The following ADCY9 variants were observed in gnomAD, a reference collection of about 807,000 sequenced individuals.
ADCY9 encodes adenylate cyclase type 9.
ADCY9 carries 50 observed loss-of-function variants against 101.5 expected under a neutral mutation model. The ratio of observed to expected loss-of-function variants is 0.49; its 90% CI spans 0.39 to 0.62. ADCY9 has a LOEUF of 0.62. Among genes scored for constraint, ADCY9 ranks in the 20% least tolerant of loss-of-function variants. The pLI, the probability that ADCY9 is intolerant of heterozygous loss-of-function variation, is 0.00. For missense variants in ADCY9, 1,662 were observed against 1,800.4 expected (o/e 0.92, Z 1.39); for synonymous variants, 905 against 769.3 (o/e 1.18, Z -2.92).
intron 2 of ADCY9, among the ~76,000 whole-genome samples, chr16:4,014,863 A>G (rs1316393362): frequency 6.6e-6 from 1 of 150,732 alleles, no homozygotes; most frequent in Non-Finnish European, 1.5e-5. Context: ...TCTCCCAGTA[A>G]TGGCTAAACA....
chr16:4,025,369 T>C (rs1172950028), intron 2 of ADCY9, among the ~76,000 whole-genome samples: 1 of 72,954 alleles, frequency 1.4e-5, no homozygotes, highest in East Asian at 3.0e-4. Flanking sequence ...AGCAAGACTC[T>C]GTCTCCAAAA....
chr16:4,053,210 C>G (rs2056713032), intron 2 of ADCY9, among the ~76,000 whole-genome samples: 1 of 152,200 alleles, frequency 6.6e-6, no homozygotes, highest in Admixed American at 6.5e-5. Context: ...ATAACTCTAC[C>G]ATTTCAAGTG....
At chr16:3,979,681 G>C (rs1389610444) in intron 7 of ADCY9, among the ~76,000 whole-genome samples, 6 of 152,250 alleles carry the variant, frequency 3.9e-5, no homozygotes, top group African/African-American at 1.2e-4. Flanking sequence ...CTGGAATTCT[G>C]TGGAGCCCGT....
At chr16:4,102,700 C>T (rs146799241) in intron 2 of ADCY9, among the ~76,000 whole-genome samples, 164 of 152,136 alleles carry the variant, frequency 1.1e-3, no homozygotes, top group Non-Finnish European at 1.9e-3. Context: ...ACTGGGATTA[C>T]AGGCGTGACT....
chr16:4,062,942 A>T (rs925680879), intron 2 of ADCY9, among the ~76,000 whole-genome samples: 6 of 152,204 alleles, frequency 3.9e-5, no homozygotes, highest in Admixed American at 3.9e-4. Flanking sequence ...CATAATAGTT[A>T]AACAGAAAAT....
chr16:4,108,599 C>G (rs2057093456), intron 2 of ADCY9, among the ~76,000 whole-genome samples: 1 of 151,832 alleles, frequency 6.6e-6, no homozygotes, highest in Admixed American at 6.6e-5. Flanking sequence ...GTCTCAAACT[C>G]CTGACCTCCT....
rs1299897624 is a variant in ADCY9, at chr16:3,966,499, G to A, written c.3338C>T (p.Thr1113Met). 11 of 1,614,030 alleles carry A rather than the reference G, an allele frequency of 6.8e-6. No homozygotes were observed. The highest frequency in any genetic ancestry group is 3.3e-5 in the Admixed American group (2 of 59,998). ...SIEKIKTIGA[T>M]YMAASGLNTA... is the part of the protein sequence containing the mutation. The stretch of plus-strand genomic sequence containing the variant: ...GTTCAGCCCTGACGCCGCCATGTAC[G>A]TGGCTCCGATGGTCTTGATCTTCTC... The change falls in exon 11 of 11, where the codon ACG (threonine) becomes ATG (methionine). Residue 1113 changes from threonine to methionine, a missense_variant. By Grantham distance (81) the Thr-to-Met change is moderately conservative. This residue lies in a region of ADCY9 where 220 missense variants were observed against 312.9 expected (regional missense o/e 0.70). Transcript: ENST00000294016.
chr16:3,955,988 A>G (rs1321054184), intron 5 of ADCY9, among the ~76,000 whole-genome samples: 1 of 152,146 alleles, frequency 6.6e-6, no homozygotes, highest in Admixed American at 6.5e-5. Context: ...GCAGCCTCCC[A>G]AGTAGCTGGG....
chr16:3,997,804 C>T (rs996812774), intron 3 of ADCY9, among the ~76,000 whole-genome samples: 4 of 152,130 alleles, frequency 2.6e-5, no homozygotes, highest in Admixed American at 6.5e-5. Flanking sequence ...TTTGAAAATG[C>T]GGATTTTGGC....
rs1438743877 is a variant in ADCY9 at position 3,983,429 on chromosome 16, G to C, written c.2322C>G (p.Asn774Lys). The change falls in exon 7 of 11, where the codon AAC (asparagine) becomes AAG (lysine). Residue 774 changes from asparagine (N) to lysine (K), a missense_variant. This residue lies in a region of ADCY9 where 624 missense variants were observed against 639.1 expected (regional missense o/e 0.98). Coordinates refer to ENST00000294016, the MANE Select transcript of ADCY9 (RefSeq NM_001116.4). ...GACTAGCAAACGTCTTCACGGGGGAGTTCTTTATGACCTGTGTGGAGCAGG... is the reference window on the plus strand; with the variant it reads ...GACTAGCAAACGTCTTCACGGGGGACTTCTTTATGACCTGTGTGGAGCAGG... ...RTSYQEEVIK[N>K]SPVKTFASPT... 6 of 1,604,208 alleles carry C rather than the reference G, an allele frequency of 3.7e-6. No individual in the cohort carries two copies. The African/African-American group carries it at 5.4e-5, about 14-fold the overall frequency.
rs1415087301 is a variant in ADCY9 at position 3,966,803 on chromosome 16, C to T, written c.3034G>A (p.Val1012Met). The stretch of plus-strand genomic sequence containing the variant: ...TTGGTGCGGTGAAGATCCGCTTCCA[C>T]GTCTCCGTGGTAGTGGAGGCGGTAG... ...VSYRLHYHGD[V>M]EADLHRTKIQ... is the part of the protein sequence containing the mutation. The change falls in exon 11 of 11, where the codon GTG becomes ATG. Residue 1012 changes from valine (V) to methionine (M), a missense_variant. Physicochemically the swap from Val to Met is conservative, Grantham distance 21 (BLOSUM62 1). Coordinates refer to ENST00000294016, the MANE Select transcript of ADCY9 (RefSeq NM_001116.4). 2 of 1,614,230 alleles carry T rather than the reference C, an allele frequency of 1.2e-6. No homozygotes were observed. Among genetic ancestry groups the T allele is most frequent in the Admixed American group, 1.7e-5 (1 of 60,024 alleles).
chr16:4,000,322 C>T (rs963163274), intron 3 of ADCY9, among the ~76,000 whole-genome samples: 3 of 152,054 alleles, frequency 2.0e-5, no homozygotes, highest in Non-Finnish European at 4.4e-5. Context: ...GTCGGAACCG[C>T]GTAAAGAGGC....
intron 2 of ADCY9, among the ~76,000 whole-genome samples, chr16:4,078,886 C>T (rs1373346025): frequency 1.3e-5 from 2 of 152,110 alleles, no homozygotes; most frequent in African/African-American, 4.8e-5. Context: ...TGAAGAAATA[C>T]AAAAGGGCAA....
At chr16:4,070,667 G>GT (rs2056828472) in intron 2 of ADCY9, among the ~76,000 whole-genome samples, 1 of 151,830 alleles carries the variant, frequency 6.6e-6, no homozygotes, top group Admixed American at 6.6e-5. Flanking sequence ...AGAAAAAAGC[G>GT]AAGTGCAGTG....
intron 2 of ADCY9, among the ~76,000 whole-genome samples, chr16:4,017,441 C>G (rs2056445661): frequency 6.7e-6 from 1 of 149,456 alleles, no homozygotes; most frequent in South Asian, 2.1e-4. Flanking sequence ...GTCAGGAGTT[C>G]AAGACCAGCC....
At chr16:4,102,644 C>T (rs1377489832) in intron 2 of ADCY9, among the ~76,000 whole-genome samples, 1 of 152,088 alleles carries the variant, frequency 6.6e-6, no homozygotes, top group Non-Finnish European at 1.5e-5. Context: ...AGGCTGGTCT[C>T]GAACTCCCGA....
chr16:4,016,773 T>C (rs937738467), intron 2 of ADCY9, among the ~76,000 whole-genome samples: 1 of 152,066 alleles, frequency 6.6e-6, no homozygotes, highest in Non-Finnish European at 1.5e-5. Flanking sequence ...ATGTCTGGCA[T>C]AGGGAGATCT....
At chr16:3,994,361 G>C (rs2056270853) in intron 3 of ADCY9, among the ~76,000 whole-genome samples, 1 of 152,170 alleles carries the variant, frequency 6.6e-6, no homozygotes, top group Admixed American at 6.5e-5. Context: ...TTCTCTTTGG[G>C]ATGATAAAAA....
chr16:3,996,577 C>T (rs894949452), intron 3 of ADCY9, among the ~76,000 whole-genome samples: 6 of 152,158 alleles, frequency 3.9e-5, no homozygotes, highest in East Asian at 1.9e-4. Flanking sequence ...ACCGGTAGAC[C>T]AGGAAAGGAA....
Sources: gnomAD v4.1 joint callset for allele counts (sites outside exome capture counted in the v4.1 genomes callset) on GRCh38, gnomAD v4.1.1 for gene constraint, gnomAD v4.1.1 regional missense constraint, MANE v1.5 for transcripts, NCBI Gene and HGNC (gene_info 2026-07-23, HGNC 2026-07-21) for gene names.